Variants in NSUN6 observed in about 807,000 individuals in gnomAD.
The protein encoded by NSUN6 is NOP2/Sun RNA methyltransferase 6, also known as tRNA (cytosine(72)-C(5))-methyltransferase NSUN6.
In NSUN6, 64 loss-of-function variants were observed where a neutral mutation model predicts 58.0. That is an observed-to-expected ratio of 1.10 (90% CI 0.90 to 1.36). The LOEUF (loss-of-function observed/expected upper bound fraction) is 1.36. NSUN6 is among the 40% of genes most tolerant of loss of function. NSUN6 has a pLI of 0.00. For synonymous variants in NSUN6, 231 were observed against 193.9 expected (o/e 1.19, Z -1.59); for missense variants, 701 against 550.1 (o/e 1.27, Z -2.74).
chr10:18,581,046 G>A (rs934976160), intron 8 of NSUN6, among the ~76,000 whole-genome samples: 2 of 152,176 alleles, frequency 1.3e-5, no homozygotes, highest in Non-Finnish European at 2.9e-5. Flanking sequence ...TTGGGGTTTT[G>A]TATGCTGACA....
At position 18,583,829 on chromosome 10, in the gene NSUN6, AG is replaced by A. The variant is rs540547515; in HGVS notation, c.922+2119del. On this transcript the variant is annotated intron_variant, in intron 8 of 10. Transcript: ENST00000377304. Reference sequence around the variant, plus strand: ...TATAGATTATGTAATCTTGTAACTGAGTGCTTGCATTTTTCTAAGAAAAAAG... The same window carrying A: ...TATAGATTATGTAATCTTGTAACTGATGCTTGCATTTTTCTAAGAAAAAAG... Among the ~76,000 whole-genome samples, 571 of 152,318 alleles carry A rather than the reference AG, an allele frequency of 3.7e-3. 4 individuals carry two copies. Among genetic ancestry groups the A allele is most frequent in the African/African-American group, 0.013 (539 of 41,568 alleles).
chr10:18,625,529 A>G (rs1421079666), intron 3 of NSUN6, among the ~76,000 whole-genome samples: 1 of 151,880 alleles, frequency 6.6e-6, no homozygotes, highest in East Asian at 1.9e-4. Flanking sequence ...CCTGACCAAC[A>G]TGGTAAAACT....
At chr10:18,552,081 C>T in intron 8 of NSUN6, 110 bp from the exon 9 acceptor site, 1 of 664,180 alleles carries the variant, frequency 1.5e-6, no homozygotes, top group East Asian at 2.8e-5. Context: ...AAAAATGAAA[C>T]AATTTCTCCC....
intron 3 of NSUN6, among the ~76,000 whole-genome samples, chr10:18,624,647 C>CAAAAAAAAAAA (rs10671283): frequency 5.2e-5 from 4 of 77,046 alleles, no homozygotes; most frequent in Non-Finnish European, 9.3e-5. Context: ...GACTCTGTCT[C>CAAAAAAAAAAA]AAAAAAAAAA....
chr10:18,600,957 TATAC>T (rs1564784928), intron 6 of NSUN6, among the ~76,000 whole-genome samples: 9 of 88,304 alleles, frequency 1.0e-4, no homozygotes, highest in African/African-American at 3.3e-4. Context: ...TATATATATA[TATAC>T]ATATATATAT....
At chr10:18,586,206 C>T (rs1683947722) in intron 7 of NSUN6, 113 bp from the exon 8 acceptor site, 3 of 769,702 alleles carry the variant, frequency 3.9e-6, no homozygotes, top group South Asian at 2.1e-5. Flanking sequence ...TTCCACCATA[C>T]TCCCATCCCT....
upstream of NSUN6, chr10:18,658,710 A>T (rs1753309605): frequency 3.1e-6 from 3 of 959,164 alleles, no homozygotes; most frequent in South Asian, 4.9e-5. Context: ...CAGAACTAAG[A>T]ATCACGACAG....
chr10:18,559,407 GGAATGGGGAAT>G (rs2055307596), intron 8 of NSUN6, among the ~76,000 whole-genome samples: 2 of 147,396 alleles, frequency 1.4e-5, no homozygotes, highest in Admixed American at 6.7e-5. Flanking sequence ...AATGGGGAAT[GGAATGGGGAAT>G]GGAATGGAAT....
intron 8 of NSUN6, among the ~76,000 whole-genome samples, chr10:18,565,492 T>G (rs963893404): frequency 6.6e-6 from 1 of 150,492 alleles, no homozygotes; most frequent in African/African-American, 2.4e-5. Flanking sequence ...TCCATTCCAT[T>G]CTCCATTCCA....
intron 5 of NSUN6, among the ~76,000 whole-genome samples, chr10:18,613,814 T>A (rs141613953): frequency 6.6e-6 from 1 of 152,252 alleles, no homozygotes; most frequent in East Asian, 1.9e-4. Context: ...AGGGAGAAAT[T>A]CACAGCTTTC....
intron 8 of NSUN6, among the ~76,000 whole-genome samples, chr10:18,560,622 G>A (rs900971129): frequency 2.0e-5 from 3 of 149,388 alleles, no homozygotes; most frequent in African/African-American, 7.4e-5. Flanking sequence ...ATGGAGTAGA[G>A]AATGGAATAT....
upstream of NSUN6, chr10:18,654,947 C>T (rs1417087547): frequency 3.5e-6 from 1 of 289,778 alleles, no homozygotes; most frequent in Non-Finnish European, 5.2e-6. Flanking sequence ...GTTAAGAATA[C>T]TGCCAGGATT....
At position 18,551,910 on chromosome 10, in the gene NSUN6, T is replaced by C; in HGVS notation, c.984A>G (p.Gly328=). The change falls in exon 9 of 11, where the codon GGA becomes GGG. Residue 328 remains glycine, a synonymous_variant. Coordinates refer to ENST00000377304, the MANE Select transcript of NSUN6 (RefSeq NM_182543.5). ...AGGCCATGTTTGGTCTCTGTCCCAT[T>C]CCACTACAGGGTGCATCCAGAAGAA... ...DRILLDAPCS[G]MGQRPNMACT... 6.2e-7 allele frequency: 1 copy of C among 1,611,178 alleles called. No individual in the cohort carries two copies. Among genetic ancestry groups the C allele is most frequent in the East Asian group, 2.2e-5 (1 of 44,852 alleles).
chr10:18,621,968 T>G (rs1372950173), intron 3 of NSUN6, among the ~76,000 whole-genome samples: 1 of 152,120 alleles, frequency 6.6e-6, no homozygotes, highest in Non-Finnish European at 1.5e-5. Context: ...GTAGTCCTTG[T>G]GCAACAGCAT....
chr10:18,596,987 CA>C (rs2057614413), intron 6 of NSUN6, among the ~76,000 whole-genome samples: 1 of 152,098 alleles, frequency 6.6e-6, no homozygotes. Context: ...CTAAATCACC[CA>C]AAAGGCATGT....
intron 7 of NSUN6, among the ~76,000 whole-genome samples, chr10:18,587,326 C>T (rs989369203): frequency 1.3e-5 from 2 of 152,132 alleles, no homozygotes; most frequent in East Asian, 3.9e-4. Context: ...CAGCTAGCCA[C>T]ATATAATTCC....
intron 8 of NSUN6, among the ~76,000 whole-genome samples, chr10:18,579,444 A>C (rs981870639): frequency 2.0e-5 from 3 of 152,212 alleles, no homozygotes; most frequent in Admixed American, 6.5e-5. Context: ...TGCTGGGATT[A>C]CATGCGTGAG....
At chr10:18,548,911 T>C (rs1020738833) in intron 9 of NSUN6, among the ~76,000 whole-genome samples, 3 of 152,176 alleles carry the variant, frequency 2.0e-5, no homozygotes, top group Non-Finnish European at 4.4e-5. Flanking sequence ...CCAAGTCCTA[T>C]TGGCTCTACC....
At chr10:18,585,901 C>G in intron 8 of NSUN6, 48 bp downstream of exon 8, 1 of 1,425,376 alleles carries the variant, frequency 7.0e-7, no homozygotes, top group Non-Finnish European at 9.6e-7. Context: ...CTGTATGCCA[C>G]AAATATATGA....
Sources: allele counts gnomAD v4.1 joint callset (sites outside exome capture counted in the v4.1 genomes callset), GRCh38; gene constraint gnomAD v4.1.1; transcripts MANE v1.5; gene names NCBI Gene and HGNC (gene_info 2026-07-23, HGNC 2026-07-21).